IMMP2L: variants seen among roughly 807,000 people sequenced by gnomAD.
The protein encoded by IMMP2L is inner mitochondrial membrane peptidase subunit 2, also known as mitochondrial inner membrane protease subunit 2.
Under a neutral mutation model 19.3 loss-of-function variants are expected in IMMP2L, and 18 were observed. The observed-to-expected ratio is 0.93, with a 90% CI of 0.64 to 1.38. IMMP2L has a LOEUF of 1.38. Ranked by LOEUF, IMMP2L falls within the 40% of genes most tolerant of loss-of-function variation. IMMP2L has a pLI of 0.00. For missense variants in IMMP2L, 233 were observed against 218.2 expected (o/e 1.07, Z -0.43); for synonymous variants, 76 against 73.0 (o/e 1.04, Z -0.21).
At chr7:111,347,957 TA>T (rs372347400) in intron 3 of IMMP2L, among the ~76,000 whole-genome samples, 3,291 of 150,970 alleles carry the variant, frequency 0.022, 117 homozygotes, top group African/African-American at 0.075. Flanking sequence ...TATGCAGCCA[TA>T]AAAAAAAGGA....
intron 5 of IMMP2L, among the ~76,000 whole-genome samples, chr7:110,785,105 G>A (rs762521085): frequency 3.3e-5 from 5 of 151,818 alleles, no homozygotes; most frequent in Non-Finnish European, 5.9e-5. Context: ...GTAAATTTTG[G>A]TGTTAAAATT....
chr7:111,316,268 G>A lies in IMMP2L; in HGVS notation c.239+170970C>T, dbSNP rs1824065588. 1.3e-5 allele frequency among the ~76,000 whole-genome samples: 2 copies of A among 152,106 alleles called. 1 individual carries two copies. Among genetic ancestry groups the A allele is most frequent in the African/African-American group, 4.8e-5 (2 of 41,424 alleles). ...TAAAGAAAGGCATAAGAAGCATAAA[G>A]AGTGGAGGATGTTAGATGTATTCAA... On this transcript the variant is annotated intron_variant, in intron 3 of 5. Transcript: ENST00000405709.
intron 5 of IMMP2L, among the ~76,000 whole-genome samples, chr7:110,812,079 T>G (rs975435375): frequency 6.6e-6 from 1 of 152,068 alleles, no homozygotes; most frequent in African/African-American, 2.4e-5. Context: ...AATAAACCTA[T>G]AGATACATAT....
intron 5 of IMMP2L, among the ~76,000 whole-genome samples, chr7:110,677,165 A>C (rs1012973219): frequency 1.1e-4 from 16 of 152,158 alleles, no homozygotes; most frequent in African/African-American, 3.9e-4. Context: ...GAACAAAATG[A>C]TTCCTTTAAT....
chr7:111,235,749 A>C (rs147778699), intron 3 of IMMP2L, among the ~76,000 whole-genome samples: 1 of 151,166 alleles, frequency 6.6e-6, no homozygotes, highest in Admixed American at 6.6e-5. Flanking sequence ...CTTTCCCACC[A>C]TTTTTTCAAA....
intron 3 of IMMP2L, among the ~76,000 whole-genome samples, chr7:111,257,586 C>G (rs538373235): frequency 2.2e-4 from 33 of 152,168 alleles, no homozygotes; most frequent in African/African-American, 6.3e-4. Flanking sequence ...GGATTTTACT[C>G]ATGTGAGTCT....
At chr7:111,390,622 C>T (rs1832253625) in intron 3 of IMMP2L, 1 of 152,052 alleles carries the variant, frequency 6.6e-6, no homozygotes. Context: ...TCATGTTAGC[C>T]AAATATAAAA....
At chr7:111,166,624 C>G (rs1274108925) in intron 3 of IMMP2L, among the ~76,000 whole-genome samples, 1 of 151,948 alleles carries the variant, frequency 6.6e-6, no homozygotes, top group African/African-American at 2.4e-5. Context: ...GCACTACAAA[C>G]TGGGCGGCTT....
At chr7:111,554,834 G>C (rs1038963989) in intron 1 of IMMP2L, among the ~76,000 whole-genome samples, 1 of 151,834 alleles carries the variant, frequency 6.6e-6, no homozygotes, top group Non-Finnish European at 1.5e-5. Flanking sequence ...GGCTAGTCTC[G>C]AACTCCTGAC....
rs542668465 is a variant in IMMP2L, at chr7:110,902,263, T to A, written c.306-15568A>T. Among the ~76,000 whole-genome samples the A allele has an allele frequency of 2.0e-5, 3 of 151,872 alleles. No homozygotes were observed. The South Asian group carries it at 6.2e-4, about 31-fold the overall frequency. ...GTAGATTCAAAATATAATAATGATA[T>A]TAACAGCCTACTATTAATTATAGAA... On this transcript the variant is annotated intron_variant, in intron 4 of 5. Transcript: ENST00000405709.
chr7:111,160,020 AAATC>A (rs1351759911), intron 3 of IMMP2L, among the ~76,000 whole-genome samples: 1 of 152,042 alleles, frequency 6.6e-6, no homozygotes, highest in Non-Finnish European at 1.5e-5. Flanking sequence ...TTCACTTACT[AAATC>A]ATATGATTCT....
At chr7:111,309,323 G>A (rs1330873465) in intron 3 of IMMP2L, among the ~76,000 whole-genome samples, 4 of 152,038 alleles carry the variant, frequency 2.6e-5, no homozygotes, top group Non-Finnish European at 5.9e-5. Context: ...CAATTTTTTG[G>A]AAATAAACAA....
chr7:110,733,254 A>T (rs7802317), intron 5 of IMMP2L, among the ~76,000 whole-genome samples: 66,648 of 151,998 alleles, frequency 0.44, 16,213 homozygotes, highest in African/African-American at 0.67. Flanking sequence ...TTCTACTATG[A>T]TGGTTATTAT....
chr7:110,712,965 G>A (rs1187191521), intron 5 of IMMP2L, among the ~76,000 whole-genome samples: 1 of 151,392 alleles, frequency 6.6e-6, no homozygotes, highest in Non-Finnish European at 1.5e-5. Flanking sequence ...GAAATCACCC[G>A]TCTTCTGCGT....
chr7:111,203,974 G>A lies in IMMP2L; in HGVS notation c.240-240409C>T, dbSNP rs139163766. 4.1e-3 allele frequency among the ~76,000 whole-genome samples: 627 copies of A among 152,132 alleles called. 6 individuals carry two copies. Among genetic ancestry groups the A allele is most frequent in the African/African-American group, 0.014 (575 of 41,478 alleles). On this transcript the variant is annotated intron_variant, in intron 3 of 5. Transcript: ENST00000405709. ...ATAATACAAAAGATCTCACACTATA[G>A]AACTGCTGAATGGACTCACAAATCA...
chr7:110,941,573 T>C (rs1816732624), intron 4 of IMMP2L, among the ~76,000 whole-genome samples: 1 of 152,178 alleles, frequency 6.6e-6, no homozygotes, highest in African/African-American at 2.4e-5. Context: ...AGGATATTTA[T>C]TGTCGAATGA....
intron 3 of IMMP2L, among the ~76,000 whole-genome samples, chr7:111,239,207 T>C (rs1037381389): frequency 3.9e-5 from 6 of 151,902 alleles, no homozygotes; most frequent in Non-Finnish European, 8.8e-5. Context: ...ATCCAAACTA[T>C]CGCTATGAGT....
chr7:111,146,476 C>G (rs572484818), intron 3 of IMMP2L, among the ~76,000 whole-genome samples: 15 of 152,110 alleles, frequency 9.9e-5, no homozygotes, highest in African/African-American at 3.4e-4. Context: ...ACCCAAATGA[C>G]AGCCTGTTTG....
At chr7:110,686,517 T>A (rs1355584019) in intron 5 of IMMP2L, among the ~76,000 whole-genome samples, 1 of 152,010 alleles carries the variant, frequency 6.6e-6, no homozygotes, top group East Asian at 1.9e-4. Context: ...CCCCTCAGTA[T>A]ACAAACAAAA....
Sources: gnomAD v4.1 joint callset for allele counts (sites outside exome capture counted in the v4.1 genomes callset) on GRCh38, gnomAD v4.1.1 for gene constraint, MANE v1.5 for transcripts, NCBI Gene and HGNC (gene_info 2026-07-23, HGNC 2026-07-21) for gene names.